ZFHX4: variants seen among roughly 807,000 people sequenced by gnomAD.
ZFHX4 encodes zinc finger homeobox 4.
In ZFHX4, 56 loss-of-function variants were observed where a neutral mutation model predicts 267.6. That is an observed-to-expected ratio of 0.21 (90% confidence interval 0.17 to 0.26). The LOEUF is 0.26. Ranked by LOEUF, ZFHX4 falls within the 10% of genes least tolerant of loss-of-function variation. The probability of loss-of-function intolerance (pLI) is 1.00; values close to 1 mark genes in which losing one functional copy is unlikely to be tolerated. For synonymous variants in ZFHX4, 1,778 were observed against 1,665.6 expected (o/e 1.07, Z -1.64); for missense variants, 4,332 against 4,420.0 (o/e 0.98, Z 0.56).
Position 76,864,706 on chromosome 8 carries a change from T to C in ZFHX4, c.*141T>C. On this transcript the variant is annotated 3_prime_UTR_variant, in exon 11 of 11. Coordinates refer to ENST00000651372, the MANE Select transcript of ZFHX4 (RefSeq NM_024721.5). ...TTGACTCAGGATTGTTTTTCCCATA[T>C]TGATATGCTGGCAATATAGGATGGT... is the stretch of plus-strand genomic sequence containing the variant. 1 of 605,978 alleles carries C rather than the reference T, an allele frequency of 1.7e-6. No individual in the cohort carries two copies. Among genetic ancestry groups the C allele is most frequent in the South Asian group, 3.1e-5 (1 of 32,040 alleles). 37.5% of individuals were successfully genotyped at this position (605,978 alleles called of 1,614,324 possible). A position where few individuals can be genotyped will look rare whatever the true frequency, so the allele number is the denominator to read the frequency against.
chr8:76,742,018 G>A (rs1809330912), intron 3 of ZFHX4, among the ~76,000 whole-genome samples: 2 of 152,210 alleles, frequency 1.3e-5, no homozygotes, highest in African/African-American at 4.8e-5. Flanking sequence ...GTATTGTTAT[G>A]TGGGAATTGT....
Position 76,855,688 on chromosome 8 carries a change from A to C in ZFHX4, c.8767A>C (p.Ser2923Arg), listed in dbSNP as rs1343676377. ...ATCCAGCAATCCCTTTAAATCCAAA[A>C]GTAATGATCGGCCGGGTCACAAGCG... ...FGSSNPFKSK[S>R]NDRPGHKRFR... Residue 2923 changes from serine (S) to arginine (R), a missense_variant, in exon 10 of 11, where the codon AGT becomes CGT. By Grantham distance (110) the Ser-to-Arg change is moderately radical. Coordinates refer to ENST00000651372, the MANE Select transcript of ZFHX4 (RefSeq NM_024721.5). 6.2e-7 allele frequency: 1 copy of C among 1,613,788 alleles called. No homozygotes were observed.
At chr8:76,765,567 A>C (rs1810030610) in intron 3 of ZFHX4, among the ~76,000 whole-genome samples, 4 of 152,142 alleles carry the variant, frequency 2.6e-5, no homozygotes, top group Admixed American at 6.6e-5. Context: ...AATCACTTCT[A>C]AGTGGTATGG....
chr8:76,745,555 T>A (rs946436368), intron 3 of ZFHX4, among the ~76,000 whole-genome samples: 1 of 149,708 alleles, frequency 6.7e-6, no homozygotes, highest in Non-Finnish European at 1.5e-5. Context: ...ATTTTTTCAG[T>A]TTTACTACAT....
intron 3 of ZFHX4, among the ~76,000 whole-genome samples, chr8:76,737,104 G>A (rs1299690419): frequency 6.6e-6 from 1 of 152,048 alleles, no homozygotes; most frequent in Non-Finnish European, 1.5e-5. Context: ...GGATTTACTG[G>A]TGGAACCTGC....
intron 4 of ZFHX4, among the ~76,000 whole-genome samples, chr8:76,781,391 T>TTA (rs1055918112): frequency 1.3e-4 from 20 of 152,182 alleles, no homozygotes; most frequent in Admixed American, 9.8e-4. Flanking sequence ...ACATGAGTAA[T>TTA]TAAGTTTTTT....
rs781638013 is a variant in ZFHX4 at position 76,863,409 on chromosome 8, T to C, written c.9695T>C (p.Val3232Ala). The C allele has an allele frequency of 3.1e-6, 5 of 1,613,970 alleles. No homozygotes were observed. In the Admixed American group the frequency reaches 6.7e-5, roughly 22 times the overall value. Residue 3232 changes from valine to alanine, a missense_variant, in exon 11 of 11, where the codon GTT becomes GCT. Physicochemically the swap from Val to Ala is moderately conservative, Grantham distance 64. Coordinates refer to ENST00000651372, the MANE Select transcript of ZFHX4 (RefSeq NM_024721.5). ...ISSALSVLGK[V>A]VGETHVDPIQ... ...TCTGCTCTTTCAGTGTTGGGCAAAG[T>C]TGTAGGTGAAACACATGTCGATCCT...
intron 1 of ZFHX4, among the ~76,000 whole-genome samples, chr8:76,689,532 T>C (rs938929460): frequency 1.4e-4 from 21 of 152,168 alleles, no homozygotes; most frequent in African/African-American, 4.8e-4. Flanking sequence ...AAGATCTTAG[T>C]GCACTCACAG....
chr8:76,770,645 G>A (rs751568321), intron 3 of ZFHX4, among the ~76,000 whole-genome samples: 1 of 152,124 alleles, frequency 6.6e-6, no homozygotes, highest in Non-Finnish European at 1.5e-5. Context: ...TATTTGATTA[G>A]TGATGGGATA....
At chr8:76,850,821 T>C in intron 9 of ZFHX4, 65 bp from the exon 10 acceptor site, 3 of 1,395,338 alleles carry the variant, frequency 2.2e-6, no homozygotes, top group Middle Eastern at 4.5e-4. Flanking sequence ...ATTTATAATA[T>C]TAATTAATAT....
chr8:76,704,659 A>G lies in ZFHX4; in HGVS notation c.571A>G (p.Ile191Val), dbSNP rs961492645. ...ASAPMSFYPQ[I>V]INTFHIASSL... is the part of the protein sequence containing the mutation. ...TGCACCTATGTCGTTCTACCCACAG[A>G]TCATCAACACTTTTCATATCGCTTC... The change falls in exon 2 of 11, where the codon ATC becomes GTC. Residue 191 changes from isoleucine to valine, a missense_variant. This residue lies in a region of ZFHX4 where 1,195 missense variants were observed against 1,173.6 expected (regional missense o/e 1.02). Coordinates refer to ENST00000651372, the MANE Select transcript of ZFHX4 (RefSeq NM_024721.5). 2 of 1,613,918 alleles carry G rather than the reference A, an allele frequency of 1.2e-6. No homozygotes were observed. The highest frequency in any genetic ancestry group is 1.3e-5 in the African/African-American group (1 of 74,940).
chr8:76,854,527 C>A lies in ZFHX4; in HGVS notation c.7606C>A (p.Pro2536Thr). The change falls in exon 10 of 11, where the codon CCC becomes ACC. Residue 2536 changes from proline to threonine, a missense_variant. Around this residue, in one of 7 missense-constraint regions of ZFHX4, gnomAD observed 1,648 missense variants for 1,625.0 expected, o/e 1.01. Coordinates refer to ENST00000651372, the MANE Select transcript of ZFHX4 (RefSeq NM_024721.5). ...SPFLERPMDM[P>T]YMIFDPNNPL... is the part of the protein sequence containing the mutation. ...GTTCTTGGAAAGGCCCATGGACATGCCCTACATGATATTTGACCCCAACAA... is the reference window on the plus strand; with the variant it reads ...GTTCTTGGAAAGGCCCATGGACATGACCTACATGATATTTGACCCCAACAA... 3 of 1,613,838 alleles carry A rather than the reference C, an allele frequency of 1.9e-6. No homozygotes were observed. Among genetic ancestry groups the A allele is most frequent in the South Asian group, 1.1e-5 (1 of 91,082 alleles).
intron 3 of ZFHX4, among the ~76,000 whole-genome samples, chr8:76,765,125 C>T (rs2131737779): frequency 6.6e-6 from 1 of 152,246 alleles, no homozygotes; most frequent in Middle Eastern, 3.4e-3. Flanking sequence ...TTGGAACTGC[C>T]TGGGCACTTG....
At position 76,864,626 on chromosome 8, in the gene ZFHX4, G is replaced by T; in HGVS notation, c.*61G>T. 8.1e-7 allele frequency: 1 copy of T among 1,231,628 alleles called. No homozygotes were observed. Among genetic ancestry groups the T allele is most frequent in the South Asian group, 2.0e-5 (1 of 50,514 alleles). 76.3% of individuals were successfully genotyped at this position (1,231,628 alleles called of 1,614,324 possible). A position where few individuals can be genotyped will look rare whatever the true frequency, so the allele number is the denominator to read the frequency against. ...AAATAAAAAAATAAAAAAAAAATAA[G>T]ACTTTAACTGCAGTTCCAAAGCTTC... On this transcript the variant is annotated 3_prime_UTR_variant, in exon 11 of 11. Coordinates refer to ENST00000651372, the MANE Select transcript of ZFHX4 (RefSeq NM_024721.5).
intron 3 of ZFHX4, among the ~76,000 whole-genome samples, chr8:76,748,109 TTA>T (rs1240822627): frequency 6.6e-6 from 1 of 152,204 alleles, no homozygotes; most frequent in Non-Finnish European, 1.5e-5. Flanking sequence ...AATAGTCATT[TTA>T]TATGTTTGCA....
At chr8:76,717,092 G>A (rs569352655) in intron 3 of ZFHX4, among the ~76,000 whole-genome samples, 1 of 152,234 alleles carries the variant, frequency 6.6e-6, no homozygotes, top group Non-Finnish European at 1.5e-5. Context: ...TAGAACCTGA[G>A]TCTCTTTCTC....
intron 3 of ZFHX4, among the ~76,000 whole-genome samples, chr8:76,745,802 T>TG (rs1229980671): frequency 3.9e-5 from 6 of 152,208 alleles, no homozygotes; most frequent in African/African-American, 1.4e-4. Flanking sequence ...TTTGAAGCTT[T>TG]GGGATAGCAT....
chr8:76,857,474 C>CA (rs1445655162), intron 10 of ZFHX4, among the ~76,000 whole-genome samples: 2 of 151,208 alleles, frequency 1.3e-5, no homozygotes, highest in East Asian at 3.9e-4. Flanking sequence ...GATTTTCTTA[C>CA]AAAAAAACAA....
At position 76,849,588 on chromosome 8, in the gene ZFHX4, C is replaced by T. The variant is rs201352165; in HGVS notation, c.3722C>T (p.Ser1241Leu). Residue 1241 changes from serine (S) to leucine (L), a missense_variant, in exon 8 of 11, where the codon TCG (serine) becomes TTG (leucine). This residue lies in a region of ZFHX4 where 1,371 missense variants were observed against 1,423.1 expected (regional missense o/e 0.96). Transcript: ENST00000651372. The part of the protein sequence containing the change: ...RIQMHVLSQH[S>L]VQPVICCPLC... ...CAGATGCACGTCCTATCACAGCACT[C>T]GGTGCAGCCGGTCATCTGCTGTCCT... is the stretch of plus-strand genomic sequence containing the variant. The T allele has an allele frequency of 9.2e-4, 1,486 of 1,613,938 alleles. 1 individual carries two copies. The highest frequency in any genetic ancestry group is 1.1e-3 in the Non-Finnish European group (1,287 of 1,179,864).
Sources: gnomAD v4.1 joint callset for allele counts (sites outside exome capture counted in the v4.1 genomes callset) on GRCh38, gnomAD v4.1.1 for gene constraint, gnomAD v4.1.1 regional missense constraint, MANE v1.5 for transcripts, NCBI Gene and HGNC (gene_info 2026-07-23, HGNC 2026-07-21) for gene names.